NRXN1: variants seen among roughly 807,000 people sequenced by gnomAD.
The protein encoded by NRXN1 is neurexin-1.
In NRXN1, 39 loss-of-function variants were observed where a neutral mutation model predicts 150.9. That is an observed-to-expected ratio of 0.26 (90% confidence interval 0.20 to 0.34). The LOEUF (loss-of-function observed/expected upper bound fraction) is 0.34. Ranked by LOEUF, NRXN1 falls within the 10% of genes least tolerant of loss-of-function variation. The pLI is 1.00. For missense variants in NRXN1, 1,815 were observed against 1,949.9 expected, an observed-to-expected ratio of 0.93 and a Z score of 1.30; for synonymous variants, 924 against 757.0, an observed-to-expected ratio of 1.22 and a Z score of -3.62.
intron 12 of NRXN1, among the ~76,000 whole-genome samples, chr2:50,522,724 T>TCC (rs2092825304): frequency 9.5e-5 from 3 of 31,446 alleles, no homozygotes; most frequent in Admixed American, 4.2e-4. Flanking sequence ...TTATTCATTT[T>TCC]TTTTTTTTTT....
chr2:50,318,871 G>T (rs1575066803), intron 17 of NRXN1, among the ~76,000 whole-genome samples: 1 of 152,070 alleles, frequency 6.6e-6, no homozygotes, highest in Non-Finnish European at 1.5e-5. Context: ...CTGTATTTAT[G>T]TCATGTGCTG....
chr2:49,926,469 G>A (rs1051854615), intron 22 of NRXN1: 18 of 397,286 alleles, frequency 4.5e-5, no homozygotes, highest in Non-Finnish European at 6.2e-5. Context: ...CGGTAAACAC[G>A]AGCTATCAAA....
At chr2:50,753,314 A>C (rs964922905) in intron 5 of NRXN1, among the ~76,000 whole-genome samples, 1 of 151,944 alleles carries the variant, frequency 6.6e-6, no homozygotes, top group African/African-American at 2.4e-5. Context: ...TGCACTGGAG[A>C]GGAACAGGTT....
intron 17 of NRXN1, among the ~76,000 whole-genome samples, chr2:50,296,893 T>C (rs1300847074): frequency 2.7e-5 from 4 of 148,894 alleles, no homozygotes; most frequent in Non-Finnish European, 6.0e-5. Context: ...TTTTTTTTTT[T>C]TTTTTTTGAG....
chr2:50,559,969 G>C (rs750747000), intron 8 of NRXN1, among the ~76,000 whole-genome samples: 1 of 152,116 alleles, frequency 6.6e-6, no homozygotes, highest in Non-Finnish European at 1.5e-5. Flanking sequence ...AACAACTGTA[G>C]CCTCCAAAAA....
intron 17 of NRXN1, among the ~76,000 whole-genome samples, chr2:50,464,708 T>C (rs927537654): frequency 1.3e-5 from 2 of 151,954 alleles, no homozygotes; most frequent in Admixed American, 1.3e-4. Flanking sequence ...TGCAATGTTT[T>C]GTATGAAATT....
At chr2:50,802,445 T>C (rs1559283929) in intron 5 of NRXN1, among the ~76,000 whole-genome samples, 1 of 147,948 alleles carries the variant, frequency 6.8e-6, no homozygotes, top group Admixed American at 6.9e-5. Context: ...TGAGCTGAGA[T>C]CGCACCATTG....
chr2:50,762,970 T>C (rs1056528485), intron 5 of NRXN1, among the ~76,000 whole-genome samples: 13 of 152,002 alleles, frequency 8.6e-5, no homozygotes, highest in South Asian at 2.1e-4. Context: ...TCCTGGCTGA[T>C]TCCTGTTGTC....
In NRXN1 at chr2:50,001,899, A is replaced by G. The variant is rs557127397; in HGVS notation, c.4128+51372T>C. Among the ~76,000 whole-genome samples, 16 of 152,146 alleles carry G rather than the reference A, an allele frequency of 1.1e-4. No homozygotes were observed. The South Asian group carries it at 1.9e-3, about 18-fold the overall frequency. Reference sequence around the variant, plus strand: ...TGTTAGGCTATGTTATAAAGACTCCATCTTAGGAGAAAGGAGTGCCAGACT... The same window carrying G: ...TGTTAGGCTATGTTATAAAGACTCCGTCTTAGGAGAAAGGAGTGCCAGACT... On this transcript the variant is annotated intron_variant, in intron 21 of 22. Transcript: ENST00000401669.
At position 50,005,475 on chromosome 2, in the gene NRXN1, G is replaced by A. The variant is rs57063440; in HGVS notation, c.4128+47796C>T. Among the ~76,000 whole-genome samples, 624 of 152,066 alleles carry A rather than the reference G, an allele frequency of 4.1e-3. 4 individuals carry two copies. The highest frequency in any genetic ancestry group is 0.015 in the African/African-American group (604 of 41,498). On this transcript the variant is annotated intron_variant, in intron 21 of 22. Coordinates refer to ENST00000401669, the MANE Select transcript of NRXN1 (RefSeq NM_001330078.2). ...AGGCCAATAATAGCATTACCAACCG[G>A]GACAACCATGAGAGTCTCCTTACTC... is the stretch of plus-strand genomic sequence containing the variant.
intron 13 of NRXN1, among the ~76,000 whole-genome samples, chr2:50,500,039 G>C (rs899677540): frequency 6.6e-6 from 1 of 151,240 alleles, no homozygotes; most frequent in African/African-American, 2.4e-5. Flanking sequence ...CCTTAACTCA[G>C]TGACCCCTAC....
rs1254451543 is a variant in NRXN1, at chr2:50,802,500, T to TGAAAGGAAGGAAGGAAGGAAGGAA, written c.832+119368_832+119369insTTCCTTCCTTCCTTCCTTCCTTTC. ...AGAGTGAATCTCTGAGAAAGAGAAA[T>TGAAAGGAAGGAAGGAAGGAAGGAA]GGAAGGAAGGAAGGAAGGAAGGAAG... On this transcript the variant is annotated intron_variant, in intron 5 of 22. Coordinates refer to ENST00000401669, the MANE Select transcript of NRXN1 (RefSeq NM_001330078.2). Among the ~76,000 whole-genome samples, 19 of 88,368 alleles carry TGAAAGGAAGGAAGGAAGGAAGGAA rather than the reference T, an allele frequency of 2.2e-4. 1 individual carries two copies. Among genetic ancestry groups the TGAAAGGAAGGAAGGAAGGAAGGAA allele is most frequent in the African/African-American group, 5.9e-4 (14 of 23,700 alleles). 58.0% of individuals were successfully genotyped at this position (88,368 alleles called of 152,430 possible).
chr2:50,025,918 C>T (rs910630014), intron 21 of NRXN1, among the ~76,000 whole-genome samples: 14 of 152,152 alleles, frequency 9.2e-5, no homozygotes, highest in Admixed American at 7.9e-4. Context: ...ATGACTTTAG[C>T]CTATGTGGCC....
rs1346354577 is a variant in NRXN1, at chr2:50,683,647, AT to A, written c.833-60033del. 7.8e-4 allele frequency among the ~76,000 whole-genome samples: 24 copies of A among 30,618 alleles called. 1 individual carries two copies. The highest frequency in any genetic ancestry group is 1.6e-3 in the African/African-American group (7 of 4,516). 20.1% of individuals were successfully genotyped at this position (30,618 alleles called of 152,430 possible). A position where few individuals can be genotyped will look rare whatever the true frequency, so the allele number is the denominator to read the frequency against. On this transcript the variant is annotated intron_variant, in intron 5 of 22. Transcript: ENST00000401669. Reference sequence around the variant, plus strand: ...ACTCCGTCTCAAAAAAAAAAAAAAAATATATATATATATATATATGTTATAA... The same window carrying A: ...ACTCCGTCTCAAAAAAAAAAAAAAAAATATATATATATATATATGTTATAA...
At chr2:50,370,651 C>G (rs2079952925) in intron 17 of NRXN1, among the ~76,000 whole-genome samples, 3 of 151,768 alleles carry the variant, frequency 2.0e-5, no homozygotes, top group African/African-American at 7.3e-5. Flanking sequence ...TAGAATGTAC[C>G]ATAAATAATT....
chr2:50,989,210 CTAA>C lies in NRXN1; in HGVS notation c.772+38289_772+38291del, dbSNP rs374888427. Among the ~76,000 whole-genome samples, 77 of 152,060 alleles carry C rather than the reference CTAA, an allele frequency of 5.1e-4. 1 individual carries two copies. Among genetic ancestry groups the C allele is most frequent in the African/African-American group, 1.5e-3 (63 of 41,536 alleles). ...TTGTTTTAATGTCTCCAAGAATTTA[CTAA>C]TGACAGTAAAATAAGCAGATTTTGT... On this transcript the variant is annotated intron_variant, in intron 2 of 22. Coordinates refer to ENST00000401669, the MANE Select transcript of NRXN1 (RefSeq NM_001330078.2).
In NRXN1 at chr2:50,218,127, C is replaced by T. The variant is rs563390945; in HGVS notation, c.3546+18662G>A. 1.1e-4 allele frequency among the ~76,000 whole-genome samples: 16 copies of T among 152,130 alleles called. No individual in the cohort carries two copies. In the South Asian group the frequency reaches 3.3e-3, roughly 32 times the overall value. ...GCTACTATTATAAATTTCAGTGCTT[C>T]CATTATTGTCTTTACATCATTTTAT... On this transcript the variant is annotated intron_variant, in intron 18 of 22. Transcript: ENST00000401669.
intron 5 of NRXN1, among the ~76,000 whole-genome samples, chr2:50,793,011 G>A (rs938850063): frequency 6.6e-6 from 1 of 151,922 alleles, no homozygotes; most frequent in African/African-American, 2.4e-5. Context: ...ATGTTTCACT[G>A]AGCACTCTTT....
intron 21 of NRXN1, among the ~76,000 whole-genome samples, chr2:50,050,055 C>T (rs1692449376): frequency 6.6e-6 from 1 of 151,600 alleles, no homozygotes; most frequent in African/African-American, 2.4e-5. Context: ...AGGAACAATT[C>T]GATCAGAAGT....
Sources: gnomAD v4.1 joint callset for allele counts (sites outside exome capture counted in the v4.1 genomes callset) on GRCh38, gnomAD v4.1.1 for gene constraint, MANE v1.5 for transcripts, NCBI Gene and HGNC (gene_info 2026-07-23, HGNC 2026-07-21) for gene names.